FSTL5: variants seen among roughly 807,000 people sequenced by gnomAD.
FSTL5 encodes follistatin-related protein 5.
Under a neutral mutation model 89.1 loss-of-function variants are expected in FSTL5, and 62 were observed. The ratio of observed to expected loss-of-function variants is 0.70; its 90% confidence interval spans 0.57 to 0.86. The LOEUF (loss-of-function observed/expected upper bound fraction) is 0.86. FSTL5 is among the 40% of genes least tolerant of loss of function. The pLI is 0.00. For missense variants in FSTL5, 1,057 were observed against 1,001.6 expected (o/e 1.06, Z -0.75); for synonymous variants, 383 against 346.2 (o/e 1.11, Z -1.18).
chr4:161,952,686 T>G (rs1734930461), intron 3 of FSTL5, among the ~76,000 whole-genome samples: 1 of 151,892 alleles, frequency 6.6e-6, no homozygotes, highest in Non-Finnish European at 1.5e-5. Context: ...ATTTTTAATT[T>G]AACAAATAGA....
Position 161,783,649 on chromosome 4 carries a change from CTCTT to C in FSTL5, c.410-7579_410-7576del, listed in dbSNP as rs1378264385. 6.8e-4 allele frequency among the ~76,000 whole-genome samples: 59 copies of C among 86,678 alleles called. 6 individuals are homozygous for C. Among genetic ancestry groups the C allele is most frequent in the African/African-American group, 1.1e-3 (25 of 23,744 alleles). The allele number at this position is 86,678 out of a possible 152,430, so 56.9% of individuals were successfully genotyped here. A position where few individuals can be genotyped will look rare whatever the true frequency, so the allele number is the denominator to read the frequency against. ...TTCTCTTTCTTTTCTTTCTTTCTCT[CTCTT>C]TCTTTCTTTCTCTTTCTTTCTTTCT... On this transcript the variant is annotated intron_variant, in intron 4 of 15. Coordinates refer to ENST00000306100, the MANE Select transcript of FSTL5 (RefSeq NM_020116.5).
At chr4:161,765,011 T>C (rs1473430746) in intron 5 of FSTL5, among the ~76,000 whole-genome samples, 1 of 152,214 alleles carries the variant, frequency 6.6e-6, no homozygotes, top group Non-Finnish European at 1.5e-5. Context: ...AGGCTTTATC[T>C]TTCTCTGTTA....
At chr4:161,509,320 A>G (rs1384854804) in intron 11 of FSTL5, among the ~76,000 whole-genome samples, 3 of 152,202 alleles carry the variant, frequency 2.0e-5, no homozygotes, top group African/African-American at 7.2e-5. Flanking sequence ...ATAAATATAT[A>G]AATAAGTAAG....
At chr4:161,413,282 AATAAAG>A (rs1731660989) in intron 15 of FSTL5, among the ~76,000 whole-genome samples, 1 of 9,118 alleles carries the variant, frequency 1.1e-4, no homozygotes, top group Non-Finnish European at 3.3e-4. Flanking sequence ...AAAAAAAAAA[AATAAAG>A]ACACACAAGT....
chr4:162,071,495 G>A (rs1047309772), intron 2 of FSTL5, among the ~76,000 whole-genome samples: 7 of 151,528 alleles, frequency 4.6e-5, no homozygotes, highest in African/African-American at 1.7e-4. Flanking sequence ...GACATATAAC[G>A]GAAATGTTAT....
intron 2 of FSTL5, among the ~76,000 whole-genome samples, chr4:162,060,583 T>C (rs1315342729): frequency 6.6e-6 from 1 of 152,088 alleles, no homozygotes; most frequent in African/African-American, 2.4e-5. Context: ...TACTGGTTAC[T>C]TTTGTCCTTT....
At position 161,974,130 on chromosome 4, in the gene FSTL5, T is replaced by C. The variant is rs1177810531; in HGVS notation, c.161-53478A>G. 7.2e-5 allele frequency among the ~76,000 whole-genome samples: 11 copies of C among 152,228 alleles called. No homozygotes were observed. In the South Asian group the frequency reaches 1.0e-3, roughly 14 times the overall value. ...AAGAGGATACAAACAAATGGAAGAA[T>C]ATTCCATGCTCATGGGTAGGAAGAA... is the stretch of plus-strand genomic sequence containing the variant. On this transcript the variant is annotated intron_variant, in intron 3 of 15. Transcript: ENST00000306100.
At chr4:161,405,265 A>C (rs1731332594) in intron 15 of FSTL5, among the ~76,000 whole-genome samples, 1 of 151,512 alleles carries the variant, frequency 6.6e-6, no homozygotes, top group African/African-American at 2.4e-5. Flanking sequence ...TTGCTCATAG[A>C]GCTAAAGAAA....
intron 10 of FSTL5, among the ~76,000 whole-genome samples, chr4:161,527,303 T>G (rs1226016564): frequency 1.3e-5 from 2 of 152,092 alleles, no homozygotes; most frequent in African/African-American, 2.4e-5. Flanking sequence ...TGGGATCTAA[T>G]TAAACTAAAG....
chr4:161,555,509 T>G (rs1460060442), intron 8 of FSTL5, among the ~76,000 whole-genome samples: 1 of 151,632 alleles, frequency 6.6e-6, no homozygotes, highest in Admixed American at 6.6e-5. Context: ...GTATATCTAA[T>G]TTAGAGATCA....
intron 4 of FSTL5, among the ~76,000 whole-genome samples, chr4:161,881,745 CG>C (rs1327430032): frequency 6.6e-6 from 1 of 152,076 alleles, no homozygotes; most frequent in Non-Finnish European, 1.5e-5. Flanking sequence ...CTTTCCCTAA[CG>C]CAGGCTTATT....
intron 3 of FSTL5, among the ~76,000 whole-genome samples, chr4:161,977,747 A>G (rs1470447933): frequency 1.3e-5 from 2 of 151,566 alleles, no homozygotes; most frequent in East Asian, 1.9e-4. Context: ...TGGCAACAAG[A>G]AATTGGAATT....
chr4:161,434,451 C>G (rs926505628), intron 15 of FSTL5, among the ~76,000 whole-genome samples: 1 of 151,960 alleles, frequency 6.6e-6, no homozygotes, highest in Non-Finnish European at 1.5e-5. Flanking sequence ...AAATATAAAA[C>G]TACTACAATA....
At chr4:161,696,267 G>C (rs1021643610) in intron 6 of FSTL5, among the ~76,000 whole-genome samples, 16 of 152,258 alleles carry the variant, frequency 1.1e-4, no homozygotes, top group African/African-American at 2.9e-4. Context: ...TCAATTGGCT[G>C]TAAGTATTTG....
intron 2 of FSTL5, chr4:162,041,747 C>T (rs1346767581): frequency 2.0e-5 from 3 of 151,464 alleles, no homozygotes; most frequent in African/African-American, 4.8e-5. Flanking sequence ...ATGACATGCA[C>T]TTGACAAAAA....
At chr4:161,728,760 T>C (rs1739506097) in intron 6 of FSTL5, among the ~76,000 whole-genome samples, 1 of 152,328 alleles carries the variant, frequency 6.6e-6, no homozygotes. Flanking sequence ...AGAACCTCTC[T>C]GTGACTGAGT....
intron 3 of FSTL5, among the ~76,000 whole-genome samples, chr4:161,928,804 C>T (rs1329194946): frequency 1.3e-5 from 2 of 151,658 alleles, no homozygotes; most frequent in Admixed American, 6.6e-5. Flanking sequence ...AGTCTGTTAT[C>T]GGATGTGTCT....
At chr4:161,640,924 A>G (rs961318624) in intron 7 of FSTL5, among the ~76,000 whole-genome samples, 5 of 152,238 alleles carry the variant, frequency 3.3e-5, no homozygotes, top group African/African-American at 9.6e-5. Context: ...AATGAATCAC[A>G]TACAAGAGAT....
intron 6 of FSTL5, among the ~76,000 whole-genome samples, chr4:161,711,100 AT>A (rs1738761144): frequency 6.6e-6 from 1 of 151,966 alleles, no homozygotes; most frequent in Non-Finnish European, 1.5e-5. Flanking sequence ...TCTATGTAAT[AT>A]TTTTAATTAA....
Sources: allele counts gnomAD v4.1 joint callset (sites outside exome capture counted in the v4.1 genomes callset), GRCh38; gene constraint gnomAD v4.1.1; transcripts MANE v1.5; gene names NCBI Gene and HGNC (gene_info 2026-07-23, HGNC 2026-07-21).